ITPR2: variants seen among roughly 807,000 people sequenced by gnomAD.
ITPR2 encodes the protein inositol 1,4,5-trisphosphate receptor type 2.
ITPR2 carries 207 observed loss-of-function variants against 317.1 expected under a neutral mutation model. That is an observed-to-expected ratio of 0.65 (90% CI 0.58 to 0.73). The LOEUF is 0.73. Among genes scored for constraint, ITPR2 ranks in the 30% least tolerant of loss-of-function variants. The pLI is 0.00. For missense variants in ITPR2, 2,613 were observed against 3,284.0 expected, an observed-to-expected ratio of 0.80 and a Z score of 4.99; for synonymous variants, 1,156 against 1,149.1, an observed-to-expected ratio of 1.01 and a Z score of -0.12.
intron 37 of ITPR2, among the ~76,000 whole-genome samples, chr12:26,540,066 G>A (rs1012197038): frequency 1.3e-5 from 2 of 152,156 alleles, no homozygotes; most frequent in Admixed American, 6.5e-5. Flanking sequence ...CCATTTTGTG[G>A]AGGGTGGGCT....
intron 55 of ITPR2, among the ~76,000 whole-genome samples, chr12:26,366,733 C>T (rs1321582122): frequency 6.6e-6 from 1 of 152,166 alleles, no homozygotes; most frequent in Non-Finnish European, 1.5e-5. Context: ...AGAGCAGTCA[C>T]TTCTCGAAAG....
Position 26,666,264 on chromosome 12 carries a change from TA to T in ITPR2, c.1410-214del, listed in dbSNP as rs565097713. ...CACTTGAAAACAAGGTGTTTTATAATAAAAAAGTATTTAATTGACAAAAGAT... is the reference window on the plus strand; with the variant it reads ...CACTTGAAAACAAGGTGTTTTATAATAAAAAGTATTTAATTGACAAAAGAT... On this transcript the variant is annotated intron_variant, in intron 13 of 56. Transcript: ENST00000381340. Among the ~76,000 whole-genome samples the T allele has an allele frequency of 3.0e-4, 45 of 152,274 alleles. 1 individual carries two copies. The highest frequency in any genetic ancestry group is 1.0e-3 in the African/African-American group (42 of 41,564).
chr12:26,506,350 A>T (rs754024404), intron 37 of ITPR2, among the ~76,000 whole-genome samples: 1 of 151,858 alleles, frequency 6.6e-6, no homozygotes, highest in Non-Finnish European at 1.5e-5. Flanking sequence ...CTCTAATAAA[A>T]ATAGGAAAAT....
At chr12:26,379,886 C>T (rs550269939) in intron 55 of ITPR2, among the ~76,000 whole-genome samples, 5 of 152,306 alleles carry the variant, frequency 3.3e-5, no homozygotes, top group Non-Finnish European at 5.9e-5. Flanking sequence ...TTCCTTCACA[C>T]GGAACTTCTC....
In ITPR2 at chr12:26,760,922, C is replaced by G. The variant is rs191118569; in HGVS notation, c.163+29235G>C. Among the ~76,000 whole-genome samples, 259 of 152,346 alleles carry G rather than the reference C, an allele frequency of 1.7e-3. 1 individual carries two copies. The highest frequency in any genetic ancestry group is 5.8e-3 in the African/African-American group (243 of 41,590). On this transcript the variant is annotated intron_variant, in intron 2 of 56. Coordinates refer to ENST00000381340, the MANE Select transcript of ITPR2 (RefSeq NM_002223.4). ...TTCATAATTGAAGGCAATAAGCTAG[C>G]CTCCATGGTCCCAGGCACCAGGCTG...
At chr12:26,623,638 G>A (rs1367333788) in intron 24 of ITPR2, among the ~76,000 whole-genome samples, 1 of 152,136 alleles carries the variant, frequency 6.6e-6, no homozygotes, top group Non-Finnish European at 1.5e-5. Context: ...TAGCAGATAA[G>A]GAAAGACTAC....
chr12:26,523,021 A>T lies in ITPR2; in HGVS notation c.5073+27226T>A, dbSNP rs7297828. 2.6e-5 allele frequency among the ~76,000 whole-genome samples: 4 copies of T among 152,112 alleles called. No individual in the cohort carries two copies. The South Asian group carries it at 8.3e-4, about 31-fold the overall frequency. Reference sequence around the variant, plus strand: ...GAACAATTCTAACGAGCATTGTCTCACAAGGTCTTTTGGTTAAAAACATAA... The same window carrying T: ...GAACAATTCTAACGAGCATTGTCTCTCAAGGTCTTTTGGTTAAAAACATAA... On this transcript the variant is annotated intron_variant, in intron 37 of 56. Transcript: ENST00000381340.
At position 26,602,377 on chromosome 12, in the gene ITPR2, T is replaced by C. The variant is rs756527943; in HGVS notation, c.3671A>G (p.Tyr1224Cys). The change falls in exon 28 of 57, where the codon TAT (tyrosine) becomes TGT (cysteine). Residue 1224 changes from tyrosine to cysteine, a missense_variant. Tyr to Cys is a radical substitution (Grantham distance 194, BLOSUM62 -2). Around this residue, in one of 9 missense-constraint regions of ITPR2, gnomAD observed 817 missense variants for 897.6 expected, o/e 0.91. Transcript: ENST00000381340. ...AAAATAACCAGGACTAACCTTTTCA[T>C]AGGGTATCTGCAGAAGATCCAACAC... The part of the protein sequence containing the change: ...SVVLDLLQIP[Y>C]EKNDEKMNEV... 5.6e-6 allele frequency: 9 copies of C among 1,611,770 alleles called. No homozygotes were observed. The highest frequency in any genetic ancestry group is 2.2e-5 in the East Asian group (1 of 44,850).
At position 26,599,169 on chromosome 12, in the gene ITPR2, T is replaced by C. The variant is rs768147519; in HGVS notation, c.3978A>G (p.Lys1326=). 6.8e-6 allele frequency: 11 copies of C among 1,614,088 alleles called. No individual in the cohort carries two copies. Among genetic ancestry groups the C allele is most frequent in the Non-Finnish European group, 8.5e-6 (10 of 1,179,920 alleles). The change falls in exon 30 of 57, where the codon AAA becomes AAG. Residue 1326 remains lysine (K), a synonymous_variant. Transcript: ENST00000381340. ...CCTCTGTCATTACCATATCCTGGCA[T>C]TTCTTCACATATTTACCATCTGCTT... The part of the protein sequence containing the change: ...IVKADGKYVK[K]CQDMVMTELI...
intron 2 of ITPR2, among the ~76,000 whole-genome samples, chr12:26,772,455 T>TATAATAC (rs1555189208): frequency 7.6e-5 from 7 of 92,020 alleles, no homozygotes; most frequent in African/African-American, 3.1e-4. Flanking sequence ...ATATATTATA[T>TATAATAC]ATATAATACA....
Position 26,580,137 on chromosome 12 carries a change from CTGTAGT to C in ITPR2, c.4393_4398del (p.Thr1465_Thr1466del). ...AAAAAGATGTCTGCATGTTTCCTGTCTGTAGTTGTGTTGCAAACCTGGAGAGAAAAT... is the reference window on the plus strand; with the variant it reads ...AAAAAGATGTCTGCATGTTTCCTGTCTGTGTTGCAAACCTGGAGAGAAAAT... On this transcript the variant is annotated inframe_deletion, in exon 33 of 57. Transcript: ENST00000381340. 1 of 1,611,850 alleles carries C rather than the reference CTGTAGT, an allele frequency of 6.2e-7. No homozygotes were observed.
At chr12:26,721,339 C>T in intron 5 of ITPR2, 1 of 613,664 alleles carries the variant, frequency 1.6e-6, no homozygotes, top group Non-Finnish European at 3.0e-6. Flanking sequence ...CAGAAGCTTG[C>T]ATCCTGTGGA....
intron 45 of ITPR2, among the ~76,000 whole-genome samples, chr12:26,474,294 A>C (rs1254467783): frequency 6.6e-6 from 1 of 152,226 alleles, no homozygotes; most frequent in East Asian, 1.9e-4. Flanking sequence ...GCAAGTCTCT[A>C]AAGTTTGAAC....
At chr12:26,797,790 C>T (rs568557181) in intron 1 of ITPR2, among the ~76,000 whole-genome samples, 17 of 146,312 alleles carry the variant, frequency 1.2e-4, no homozygotes, top group Non-Finnish European at 2.2e-4. Context: ...CTCCCAGATT[C>T]ACATGACTCT....
chr12:26,595,699 A>G, intron 31 of ITPR2, 109 bp from the exon 32 acceptor site: 1 of 883,268 alleles, frequency 1.1e-6, no homozygotes, highest in East Asian at 2.8e-5. Flanking sequence ...GGTAGATCAT[A>G]GCATAGTTTT....
chr12:26,763,853 G>A (rs2137131190), intron 2 of ITPR2, among the ~76,000 whole-genome samples: 2 of 152,118 alleles, frequency 1.3e-5, no homozygotes, highest in Middle Eastern at 3.4e-3. Flanking sequence ...TTTACATCTA[G>A]CCTCTATTAC....
rs773887681 is a variant in ITPR2 at position 26,725,638 on chromosome 12, C to A, written c.279+12G>T. The A allele has an allele frequency of 5.7e-6, 9 of 1,581,344 alleles. No individual in the cohort carries two copies. The South Asian group carries it at 8.9e-5, about 16-fold the overall frequency. On this transcript the variant is annotated intron_variant, in intron 3 of 56. Coordinates refer to ENST00000381340, the MANE Select transcript of ITPR2 (RefSeq NM_002223.4). The stretch of plus-strand genomic sequence containing the variant: ...TTAGCCTAAGCCAGACAATTGGAAT[C>A]CTGGTCCTTACCTGTAGTTTCTTCA...
At chr12:26,387,681 T>C in intron 54 of ITPR2, 87 bp from the exon 55 acceptor site, 2 of 1,310,304 alleles carry the variant, frequency 1.5e-6, no homozygotes, top group Non-Finnish European at 1.0e-6. Flanking sequence ...CAATAATTAT[T>C]GTGAAAAAAA....
chr12:26,749,833 A>G (rs773686352), intron 2 of ITPR2, among the ~76,000 whole-genome samples: 3 of 152,252 alleles, frequency 2.0e-5, no homozygotes, highest in Non-Finnish European at 4.4e-5. Context: ...TGCATTATTC[A>G]GTAATCATGT....
Sources: allele counts gnomAD v4.1 joint callset (sites outside exome capture counted in the v4.1 genomes callset), GRCh38; gene constraint gnomAD v4.1.1; regional missense constraint gnomAD v4.1.1; transcripts MANE v1.5; gene names NCBI Gene and HGNC (gene_info 2026-07-23, HGNC 2026-07-21).